Variants in DISP2 observed in about 807,000 individuals in gnomAD.
The protein encoded by DISP2 is protein dispatched homolog 2.
In DISP2, 59 loss-of-function variants were observed where a neutral mutation model predicts 95.5. The ratio of observed to expected loss-of-function variants is 0.62; its 90% CI spans 0.50 to 0.77. The LOEUF is 0.77. Ranked by LOEUF, DISP2 falls within the 30% of genes least tolerant of loss-of-function variation. DISP2 has a pLI of 0.00. For missense variants in DISP2, 1,752 were observed against 1,854.6 expected (o/e 0.94, Z 1.02); for synonymous variants, 827 against 815.0 (o/e 1.01, Z -0.25).
At chr15:40,366,301 G>A (rs1167940667) in intron 7 of DISP2, among the ~76,000 whole-genome samples, 2 of 152,226 alleles carry the variant, frequency 1.3e-5, no homozygotes, top group Non-Finnish European at 2.9e-5. Flanking sequence ...GTTTCTTAAC[G>A]TCTTAGTCCC....
At position 40,368,910 on chromosome 15, in the gene DISP2, CGGAGCT is replaced by C; in HGVS notation, c.2801_2806del (p.Glu934_Leu935del). ...AATGAGGTCAGCCACTGGCTGGCAGCGGAGCTGGGCATGGCACCTCCAGGCCTCCGC... is the reference window on the plus strand; with the variant it reads ...AATGAGGTCAGCCACTGGCTGGCAGCGGGCATGGCACCTCCAGGCCTCCGC... On this transcript the variant is annotated inframe_deletion, in exon 8 of 8. Coordinates refer to ENST00000267889, the MANE Select transcript of DISP2 (RefSeq NM_033510.3). 6.2e-7 allele frequency: 1 copy of C among 1,613,856 alleles called. No homozygotes were observed. Among genetic ancestry groups the C allele is most frequent in the Non-Finnish European group, 8.5e-7 (1 of 1,180,048 alleles).
chr15:40,368,186 C>T lies in DISP2; in HGVS notation c.2074C>T (p.Gln692Ter). 2 of 1,601,320 alleles carry T rather than the reference C, an allele frequency of 1.2e-6. No homozygotes were observed. Among genetic ancestry groups the T allele is most frequent in the Non-Finnish European group, 1.7e-6 (2 of 1,176,442 alleles). ...AAAGTSRLLF[Q>*]RLLPCGVIKF... ...GGCTGGCACCTCGCGTCTGCTCTTC[C>T]AGCGCCTGCTGCCCTGCGGCGTCAT... is the stretch of plus-strand genomic sequence containing the variant. Residue 692 changes from glutamine to a stop codon, truncating the protein, a stop_gained, in exon 8 of 8, where the codon CAG becomes TAG. Transcript: ENST00000267889. LOFTEE classifies it high-confidence loss of function.
chr15:40,377,435 A>T lies in DISP2; in HGVS notation c.*7117A>T, dbSNP rs548466805. 1.3e-5 allele frequency: 2 copies of T among 152,346 alleles called. No homozygotes were observed. Among genetic ancestry groups the T allele is most frequent in the East Asian group, 3.9e-4 (2 of 5,192 alleles). The allele number at this position is 152,346 out of a possible 1,614,324, so 9.4% of individuals were successfully genotyped here. A position where few individuals can be genotyped will look rare whatever the true frequency, so the allele number is the denominator to read the frequency against. ...AAACAACCAACCAAACAGTAAATAC[A>T]TGAAATAATGAGTTTCAAGACACTG... On this transcript the variant is annotated 3_prime_UTR_variant, in exon 8 of 8. Coordinates refer to ENST00000267889, the MANE Select transcript of DISP2 (RefSeq NM_033510.3).
intron 6 of DISP2, 125 bp from the exon 7 acceptor site, chr15:40,365,503 C>A: frequency 7.7e-7 from 1 of 1,297,904 alleles, no homozygotes; most frequent in Non-Finnish European, 1.1e-6. Flanking sequence ...TCAGGCAGTC[C>A]ATGCACAGGC....
chr15:40,368,525 G>A lies in DISP2; in HGVS notation c.2413G>A (p.Gly805Ser), dbSNP rs767450646. The A allele has an allele frequency of 2.7e-5, 43 of 1,605,456 alleles. No homozygotes were observed. The highest frequency in any genetic ancestry group is 1.1e-4 in the East Asian group (5 of 44,884). Residue 805 changes from glycine (G) to serine (S), a missense_variant, in exon 8 of 8, where the codon GGC (glycine) becomes AGC (serine). By Grantham distance (56) the Gly-to-Ser change is moderately conservative. Around this residue, in one of 5 missense-constraint regions of DISP2, gnomAD observed 732 missense variants for 714.6 expected, o/e 1.02. Coordinates refer to ENST00000267889, the MANE Select transcript of DISP2 (RefSeq NM_033510.3). ...GAGGGACCCTGCCTTCTCGGCCAGC[G>A]GCCCTGAGGCCCAGCGCTGGCTGCT... is the stretch of plus-strand genomic sequence containing the variant. Reference protein sequence around the residue: ...LVRDPAFSASGPEAQRWLLAL... With the variant: ...LVRDPAFSASSPEAQRWLLAL...
At chr15:40,366,618 G>GTAAAC (rs1188250466) in intron 7 of DISP2, among the ~76,000 whole-genome samples, 7 of 152,242 alleles carry the variant, frequency 4.6e-5, no homozygotes, top group Non-Finnish European at 8.8e-5. Flanking sequence ...GGGCCTAAGA[G>GTAAAC]GGTTTAAGCG....
In DISP2 at chr15:40,369,079, C is replaced by T; in HGVS notation, c.2967C>T (p.Ser989=). ...LLLGTWNVPL[S]LFSVAAVAGT... Reference sequence around the variant, plus strand: ...TGGGCACCTGGAATGTTCCCCTCAGCCTATTCTCCGTGGCAGCTGTGGCAG... The same window carrying T: ...TGGGCACCTGGAATGTTCCCCTCAGTCTATTCTCCGTGGCAGCTGTGGCAG... Residue 989 remains serine, a synonymous_variant, in exon 8 of 8, where the codon AGC becomes AGT. Transcript: ENST00000267889. The T allele has an allele frequency of 6.2e-7, 1 of 1,614,092 alleles. No homozygotes were observed. Among genetic ancestry groups the T allele is most frequent in the Non-Finnish European group, 8.5e-7 (1 of 1,180,058 alleles).
At position 40,358,233 on chromosome 15, in the gene DISP2, CCCGCCGCCGCTGCCGCCGCCA is replaced by C. The variant is rs1329522686; in HGVS notation, c.-78_-58del. 7.3e-5 allele frequency: 64 copies of C among 879,260 alleles called. 2 individuals are homozygous for C. The highest frequency in any genetic ancestry group is 4.1e-4 in the African/African-American group (22 of 53,950). 54.5% of individuals were successfully genotyped at this position (879,260 alleles called of 1,614,324 possible). On this transcript the variant is annotated 5_prime_UTR_variant, in exon 1 of 8. Transcript: ENST00000267889. ...AGAGCCTACGCATGCGCACGAGCAC[CCCGCCGCCGCTGCCGCCGCCA>C]CCGCCGCCGCCGCCGCCGCCGCCGC...
rs1158784153 is a variant in DISP2, at chr15:40,369,856, C to T, written c.3744C>T (p.Ala1248=). The T allele has an allele frequency of 6.4e-7, 1 of 1,569,924 alleles. No individual in the cohort carries two copies. Among genetic ancestry groups the T allele is most frequent in the Admixed American group, 1.8e-5 (1 of 56,428 alleles). The change falls in exon 8 of 8, where the codon GCC becomes GCT. Residue 1248 remains alanine (A), a synonymous_variant. Coordinates refer to ENST00000267889, the MANE Select transcript of DISP2 (RefSeq NM_033510.3). ...CTGGCCCCAGCCCCAAAACCCGGGCCAGGCAGGACTCCCAAGGGGAGGAGG... is the reference window on the plus strand; with the variant it reads ...CTGGCCCCAGCCCCAAAACCCGGGCTAGGCAGGACTCCCAAGGGGAGGAGG... ...KQAGPSPKTR[A]RQDSQGEEAE... is the part of the protein sequence containing the mutation.
chr15:40,368,459 A>G lies in DISP2; in HGVS notation c.2347A>G (p.Thr783Ala). 6.2e-7 allele frequency: 1 copy of G among 1,609,504 alleles called. No individual in the cohort carries two copies. Among genetic ancestry groups the G allele is most frequent in the Non-Finnish European group, 8.5e-7 (1 of 1,179,828 alleles). ...VLVWGVLPVD[T>A]GDPLDPRSNS... Reference sequence around the variant, plus strand: ...GGTGTGGGGCGTCCTGCCTGTGGACACTGGCGACCCTCTGGACCCTCGTAG... The same window carrying G: ...GGTGTGGGGCGTCCTGCCTGTGGACGCTGGCGACCCTCTGGACCCTCGTAG... Residue 783 changes from threonine to alanine, a missense_variant, in exon 8 of 8, where the codon ACT (threonine) becomes GCT (alanine). Transcript: ENST00000267889.
At chr15:40,363,473 G>A in intron 1 of DISP2, 152 bp from the exon 2 acceptor site, 1 of 581,024 alleles carries the variant, frequency 1.7e-6, no homozygotes, top group Non-Finnish European at 2.9e-6. Context: ...CGAGCCCCTG[G>A]CCTCCTCACC....
rs779924295 is a variant in DISP2, at chr15:40,368,363, G to T, written c.2251G>T (p.Ala751Ser). Residue 751 changes from alanine to serine, a missense_variant, in exon 8 of 8, where the codon GCG (alanine) becomes TCG (serine). Around this residue, in one of 5 missense-constraint regions of DISP2, gnomAD observed 732 missense variants for 714.6 expected, o/e 1.02. Coordinates refer to ENST00000267889, the MANE Select transcript of DISP2 (RefSeq NM_033510.3). Reference sequence around the variant, plus strand: ...CAGCCACCCCTTCGAGCGCTTCGACGCGGAGTATCGCCAGCTGTTCCTGTT... The same window carrying T: ...CAGCCACCCCTTCGAGCGCTTCGACTCGGAGTATCGCCAGCTGTTCCTGTT... ...RPSHPFERFD[A>S]EYRQLFLFEQ... 8 of 1,606,490 alleles carry T rather than the reference G, an allele frequency of 5.0e-6. No individual in the cohort carries two copies. In the East Asian group the frequency reaches 1.8e-4, roughly 36 times the overall value.
At position 40,371,591 on chromosome 15, in the gene DISP2, A is replaced by G. The variant is rs1470154193; in HGVS notation, c.*1273A>G. The G allele has an allele frequency of 6.6e-6, 1 of 152,234 alleles. No homozygotes were observed. The highest frequency in any genetic ancestry group is 1.5e-5 in the Non-Finnish European group (1 of 68,052). 9.4% of individuals were successfully genotyped at this position (152,234 alleles called of 1,614,324 possible). On this transcript the variant is annotated 3_prime_UTR_variant, in exon 8 of 8. Coordinates refer to ENST00000267889, the MANE Select transcript of DISP2 (RefSeq NM_033510.3). ...CTCAGACCTGCCCTTTGGGAAGTGTATGAGTCTGAAGCTGCTTCCCAGGTT... is the reference window on the plus strand; with the variant it reads ...CTCAGACCTGCCCTTTGGGAAGTGTGTGAGTCTGAAGCTGCTTCCCAGGTT...
In DISP2 at chr15:40,367,692, CCTT is replaced by C; in HGVS notation, c.1585_1587del (p.Phe529del). Reference sequence around the variant, plus strand: ...GGGGTGCTGGGCTCACTGCTGGTGGCCTTCTTCCTTTACCAGGTGGCCTTCCGC... The same window carrying C: ...GGGGTGCTGGGCTCACTGCTGGTGGCCTTCCTTTACCAGGTGGCCTTCCGC... On this transcript the variant is annotated inframe_deletion, in exon 8 of 8. Transcript: ENST00000267889. 3 of 1,613,830 alleles carry C rather than the reference CCTT, an allele frequency of 1.9e-6. No homozygotes were observed. Among genetic ancestry groups the C allele is most frequent in the Non-Finnish European group, 1.7e-6 (2 of 1,180,020 alleles).
chr15:40,369,677 C>G lies in DISP2; in HGVS notation c.3565C>G (p.Pro1189Ala). 6.2e-7 allele frequency: 1 copy of G among 1,612,128 alleles called. No individual in the cohort carries two copies. Among genetic ancestry groups the G allele is most frequent in the Non-Finnish European group, 8.5e-7 (1 of 1,180,006 alleles). The change falls in exon 8 of 8, where the codon CCC (proline) becomes GCC (alanine). Residue 1189 changes from proline (P) to alanine (A), a missense_variant. Around this residue, in one of 5 missense-constraint regions of DISP2, gnomAD observed 347 missense variants for 344.2 expected, o/e 1.01. Coordinates refer to ENST00000267889, the MANE Select transcript of DISP2 (RefSeq NM_033510.3). ...STATSKLSHRPSVLSEDLQLH... is the reference protein window; with the variant it reads ...STATSKLSHRASVLSEDLQLH... ...AGCCACCAGCAAGCTGTCCCACCGG[C>G]CCTCAGTACTCTCTGAGGATCTGCA...
In DISP2 at chr15:40,367,819, C is replaced by G. The variant is rs1889530180; in HGVS notation, c.1707C>G (p.Ser569Arg). Residue 569 changes from serine (S) to arginine (R), a missense_variant, in exon 8 of 8, where the codon AGC (serine) becomes AGG (arginine). Ser to Arg is a moderately radical substitution (Grantham distance 110). Transcript: ENST00000267889. ...TLIFFDLWRL[S>R]KSQLPSGGLA... The stretch of plus-strand genomic sequence containing the variant: ...TCTTCTTCGACCTGTGGCGCCTTAG[C>G]AAGAGCCAGCTGCCGTCGGGGGGGC... 1.2e-6 allele frequency: 2 copies of G among 1,603,764 alleles called. No homozygotes were observed. Among genetic ancestry groups the G allele is most frequent in the Non-Finnish European group, 1.7e-6 (2 of 1,179,944 alleles).
chr15:40,358,931 C>A (rs1002154954), intron 1 of DISP2, among the ~76,000 whole-genome samples: 1 of 152,266 alleles, frequency 6.6e-6, no homozygotes, highest in African/African-American at 2.4e-5. Context: ...CCATCAGTCG[C>A]TTGCCTGCCC....
Position 40,364,639 on chromosome 15 carries a change from G to A in DISP2, c.603+95G>A, listed in dbSNP as rs181747268. On this transcript the variant is annotated intron_variant, in intron 4 of 7. Transcript: ENST00000267889. ...GGAGGTAGGGTAGCCATGGTAGCCT[G>A]GGGATAGGGTAGCCATGGTAGGCTC... 3.8e-5 allele frequency: 59 copies of A among 1,546,256 alleles called. No individual in the cohort carries two copies. The African/African-American group carries it at 6.7e-4, about 18-fold the overall frequency.
intron 1 of DISP2, among the ~76,000 whole-genome samples, chr15:40,363,078 C>T (rs559251466): frequency 1.7e-4 from 26 of 151,270 alleles, no homozygotes; most frequent in East Asian, 5.8e-4. Flanking sequence ...CCGAGGCAGG[C>T]GGATCACGAG....
Sources: allele counts gnomAD v4.1 joint callset (sites outside exome capture counted in the v4.1 genomes callset), GRCh38; gene constraint gnomAD v4.1.1; regional missense constraint gnomAD v4.1.1; transcripts MANE v1.5; gene names NCBI Gene and HGNC (gene_info 2026-07-23, HGNC 2026-07-21).